The following IL32 variants were observed in gnomAD, a reference collection of about 807,000 sequenced individuals.
IL32 encodes the protein interleukin 32.
In IL32, 30 loss-of-function variants were observed where a neutral mutation model predicts 16.6. The observed-to-expected ratio is 1.81, with a 90% CI of 1.35 to 2.45. The LOEUF is 2.45. IL32 is among the 30% of genes most tolerant of loss of function. The probability of loss-of-function intolerance (pLI) is 0.00; values close to 1 mark genes in which losing one functional copy is unlikely to be tolerated. For missense variants in IL32, 234 were observed against 229.8 expected, an observed-to-expected ratio of 1.02 and a Z score of -0.12; for synonymous variants, 70 against 86.1, an observed-to-expected ratio of 0.81 and a Z score of 1.03.
chr16:3,066,709 C>G (rs937998559), intron 2 of IL32, among the ~76,000 whole-genome samples: 2 of 152,172 alleles, frequency 1.3e-5, no homozygotes, highest in Non-Finnish European at 2.9e-5. Context: ...CCTGGCACCC[C>G]AAATATTAAT....
chr16:3,068,548 T>G, intron 6 of IL32: 1 of 427,708 alleles, frequency 2.3e-6, no homozygotes, highest in Non-Finnish European at 4.3e-6. Context: ...CCTAACCTTG[T>G]GTTCCGTCTG....
chr16:3,068,784 C>T lies in IL32; in HGVS notation c.202-206C>T, dbSNP rs556945142. 108 of 774,076 alleles carry T rather than the reference C, an allele frequency of 1.4e-4. 1 individual carries two copies. In the Middle Eastern group the frequency reaches 3.5e-3, roughly 25 times the overall value. The allele number at this position is 774,076 out of a possible 1,614,324, so 48.0% of individuals were successfully genotyped here. On this transcript the variant is annotated intron_variant, in intron 6 of 6. Transcript: ENST00000525643. ...CTGACCTGGTGACCAAGCAGACACACCCATCCTGTCACTGCCATGGAGGTG... is the reference window on the plus strand; with the variant it reads ...CTGACCTGGTGACCAAGCAGACACATCCATCCTGTCACTGCCATGGAGGTG...
At chr16:3,065,925 G>A in intron 2 of IL32, 99 bp downstream of exon 2, 1 of 1,421,624 alleles carries the variant, frequency 7.0e-7, no homozygotes, top group East Asian at 2.3e-5. Flanking sequence ...GTGTGTCAGG[G>A]CTCAGTCAGG....
At chr16:3,065,957 A>G (rs2151177940) in intron 2 of IL32, 131 bp downstream of exon 2, 3 of 1,089,166 alleles carry the variant, frequency 2.8e-6, no homozygotes, top group South Asian at 1.2e-5. Context: ...GCAGGAGGAT[A>G]GTGATGGGGT....
chr16:3,069,375 G>A lies in IL32; in HGVS notation c.*20G>A, dbSNP rs529819738. ...AAATGAAGATACTGACACCACCTTT[G>A]CCCTCCCCGTCACCGCGCACCCACC... On this transcript the variant is annotated 3_prime_UTR_variant, in exon 7 of 7. Coordinates refer to ENST00000525643, the MANE Select transcript of IL32 (RefSeq NM_001376923.1). The A allele has an allele frequency of 1.9e-6, 3 of 1,565,872 alleles. No homozygotes were observed. Among genetic ancestry groups the A allele is most frequent in the Non-Finnish European group, 2.6e-6 (3 of 1,154,998 alleles).
chr16:3,065,919 G>T, intron 2 of IL32, 93 bp downstream of exon 2: 1 of 1,483,888 alleles, frequency 6.7e-7, no homozygotes, highest in South Asian at 1.1e-5. Flanking sequence ...GTGCCTGTGT[G>T]TCAGGGCTCA....
At chr16:3,065,944 G>A in intron 2 of IL32, 118 bp downstream of exon 2, 1 of 1,206,346 alleles carries the variant, frequency 8.3e-7, no homozygotes. Flanking sequence ...GGGGCACCCA[G>A]CGGCAGGAGG....
In IL32 at chr16:3,067,246, T is replaced by C. The variant is rs1956446984; in HGVS notation, c.16-131T>C. The C allele has an allele frequency of 4.5e-6, 3 of 661,298 alleles. No homozygotes were observed. The African/African-American group carries it at 5.5e-5, about 12-fold the overall frequency. The allele number at this position is 661,298 out of a possible 1,614,324, so 41.0% of individuals were successfully genotyped here. A position where few individuals can be genotyped will look rare whatever the true frequency, so the allele number is the denominator to read the frequency against. ...GGCTCCTGGGACTGCTGTCTCCTCT[T>C]ATCCTGTACCTCTGCCATGTGTCTC... is the stretch of plus-strand genomic sequence containing the variant. On this transcript the variant is annotated intron_variant, in intron 2 of 6. Coordinates refer to ENST00000525643, the MANE Select transcript of IL32 (RefSeq NM_001376923.1).
chr16:3,065,820 C>CA lies in IL32; in HGVS notation c.9_10insA (p.Pro4ThrfsTer6). ...TTGAACTTTTGGCCGCCATGTGCTT[C>CA]CCGAAGGTGAGTGAGAGGCTGCGTG... is the stretch of plus-strand genomic sequence containing the variant. On this transcript the variant is annotated frameshift_variant, in exon 2 of 7. Coordinates refer to ENST00000525643, the MANE Select transcript of IL32 (RefSeq NM_001376923.1). LOFTEE classifies it high-confidence loss of function. 6.2e-7 allele frequency: 1 copy of CA among 1,614,154 alleles called. No homozygotes were observed. The highest frequency in any genetic ancestry group is 8.5e-7 in the Non-Finnish European group (1 of 1,180,038).
At chr16:3,066,484 C>T (rs757360676) in intron 2 of IL32, among the ~76,000 whole-genome samples, 24 of 152,210 alleles carry the variant, frequency 1.6e-4, no homozygotes, top group Non-Finnish European at 2.2e-4. Context: ...CCAGGCCCTG[C>T]GCACTCTGTG....
At chr16:3,067,779 G>A (rs981976737) in intron 4 of IL32, 166 bp downstream of exon 4, 7 of 806,576 alleles carry the variant, frequency 8.7e-6, no homozygotes, top group Middle Eastern at 3.5e-4. Context: ...GCGGGTGGGG[G>A]ATCTGGACGC....
chr16:3,068,156 C>G (rs762191846), intron 5 of IL32, 24 bp from the exon 6 acceptor site: 2 of 1,603,468 alleles, frequency 1.2e-6, no homozygotes, highest in South Asian at 1.1e-5. Flanking sequence ...GCAGCATGAA[C>G]CCCCTGTGCC....
intron 2 of IL32, 88 bp from the exon 3 acceptor site, chr16:3,067,289 G>GTGTGTCTC (rs1956476070): frequency 2.5e-5 from 14 of 559,186 alleles, no homozygotes; most frequent in East Asian, 1.2e-4. Context: ...GTGTGTGTGT[G>GTGTGTCTC]TGTGTGTGTG....
At chr16:3,066,521 G>A (rs1956323068) in intron 2 of IL32, among the ~76,000 whole-genome samples, 1 of 152,130 alleles carries the variant, frequency 6.6e-6, no homozygotes, top group Non-Finnish European at 1.5e-5. Context: ...CTATAGTGGG[G>A]GAAACCAGGC....
intron 2 of IL32, among the ~76,000 whole-genome samples, chr16:3,066,585 G>C (rs561326006): frequency 1.9e-4 from 29 of 152,134 alleles, no homozygotes; most frequent in African/African-American, 6.7e-4. Flanking sequence ...GGATTCTGTG[G>C]GGTGCCTCTG....
chr16:3,067,289 G>GTCTC (rs1555442515), intron 2 of IL32, 88 bp from the exon 3 acceptor site: 28 of 559,098 alleles, frequency 5.0e-5, no homozygotes, highest in Middle Eastern at 4.3e-4. Flanking sequence ...GTGTGTGTGT[G>GTCTC]TGTGTGTGTG....
At chr16:3,067,229 G>T (rs1956444345) in intron 2 of IL32, 148 bp from the exon 3 acceptor site, 2 of 599,730 alleles carry the variant, frequency 3.3e-6, no homozygotes, top group African/African-American at 3.7e-5. Context: ...GGGGCTCCTG[G>T]GACTGCTGTC....
intron 2 of IL32, 32 bp downstream of exon 2, chr16:3,065,858 C>A (rs1361892203): frequency 1.9e-6 from 3 of 1,613,848 alleles, no homozygotes; most frequent in Non-Finnish European, 2.5e-6. Context: ...CTTTTGTGGG[C>A]ATGTCTGAAA....
intron 6 of IL32, 56 bp downstream of exon 6, chr16:3,068,295 T>C: frequency 6.6e-6 from 9 of 1,364,646 alleles, no homozygotes; most frequent in Non-Finnish European, 9.2e-6. Flanking sequence ...TGCCCTGTCT[T>C]TTCTTTCTTT....
Sources: gnomAD v4.1 joint callset for allele counts (sites outside exome capture counted in the v4.1 genomes callset) on GRCh38, gnomAD v4.1.1 for gene constraint, MANE v1.5 for transcripts, NCBI Gene and HGNC (gene_info 2026-07-23, HGNC 2026-07-21) for gene names.